The following ZBBX variants were observed in gnomAD, a reference collection of about 807,000 sequenced individuals.
ZBBX encodes the protein zinc finger B-box domain containing, also known as zinc finger B-box domain-containing protein 1.
Under a neutral mutation model 108.5 loss-of-function variants are expected in ZBBX, and 101 were observed. The observed-to-expected ratio is 0.93, with a 90% CI of 0.79 to 1.10. ZBBX has a LOEUF of 1.10. Among genes scored for constraint, ZBBX ranks in the 50% least tolerant of loss-of-function variants. The pLI, the probability that ZBBX is intolerant of heterozygous loss-of-function variation, is 0.00. For synonymous variants in ZBBX, 356 were observed against 323.4 expected (o/e 1.10, Z -1.08); for missense variants, 1,009 against 941.4 (o/e 1.07, Z -0.94).
chr3:167,191,916 T>TAGAGAG, the ZBBX span, among the ~76,000 whole-genome samples: 79 of 103,280 alleles, frequency 7.6e-4, 1 homozygote, highest in African/African-American at 2.5e-3. Flanking sequence ...TATATATATA[T>TAGAGAG]ATATATATAT....
chr3:167,348,394 G>A (rs1020537170), intron 9 of ZBBX, among the ~76,000 whole-genome samples: 4 of 140,826 alleles, frequency 2.8e-5, no homozygotes, highest in African/African-American at 1.1e-4. Flanking sequence ...AAAGAAGAAG[G>A]AGGGAGGGAG....
At chr3:167,355,748 TTTA>T (rs893755463) in intron 8 of ZBBX, among the ~76,000 whole-genome samples, 2 of 152,060 alleles carry the variant, frequency 1.3e-5, no homozygotes, top group African/African-American at 4.8e-5. Flanking sequence ...TAAATAGCTT[TTTA>T]TTATGTTTTG....
chr3:167,344,627 T>C (rs549311775), intron 9 of ZBBX, among the ~76,000 whole-genome samples: 43 of 151,776 alleles, frequency 2.8e-4, no homozygotes, highest in African/African-American at 1.0e-3. Context: ...CAGCATCAGC[T>C]GTTCCTTTTT....
chr3:167,322,278 GT>G (rs1736574580), intron 11 of ZBBX, 41 bp from the exon 12 acceptor site: 3 of 1,410,856 alleles, frequency 2.1e-6, no homozygotes, highest in Middle Eastern at 1.9e-4. Flanking sequence ...AAATAAGCAA[GT>G]TTACAAATTA....
rs781068022 is a variant in ZBBX, at chr3:167,305,651, A to C, written c.1717T>G (p.Ser573Ala). The stretch of plus-strand genomic sequence containing the variant: ...ACATAATAGAGATTTACCAGTGATG[A>C]CTTTGTAGTTTTTGATTCTTCAAAG... ...PSFEESKTTK[S>A]SLLLQEIACR... is the part of the protein sequence containing the mutation. Residue 573 changes from serine (S) to alanine (A), a missense_variant, in exon 17 of 22, where the codon TCA (serine) becomes GCA (alanine). Coordinates refer to ENST00000675490, the MANE Select transcript of ZBBX (RefSeq NM_001199201.2). 3.2e-6 allele frequency: 5 copies of C among 1,554,170 alleles called. No homozygotes were observed. The South Asian group carries it at 3.8e-5, about 12-fold the overall frequency.
At chr3:167,284,654 T>G (rs1027312793) in intron 19 of ZBBX, among the ~76,000 whole-genome samples, 1 of 152,146 alleles carries the variant, frequency 6.6e-6, no homozygotes, top group Non-Finnish European at 1.5e-5. Flanking sequence ...TAAAGGTAAT[T>G]GATCCCCATT....
intron 11 of ZBBX, among the ~76,000 whole-genome samples, chr3:167,326,325 T>A (rs1038724524): frequency 6.6e-6 from 1 of 152,150 alleles, no homozygotes; most frequent in African/African-American, 2.4e-5. Flanking sequence ...TGTACATAAC[T>A]ATGGTTATTG....
At chr3:167,179,059 AATGCCCATC>A in the ZBBX span, among the ~76,000 whole-genome samples, 1 of 152,154 alleles carries the variant, frequency 6.6e-6, no homozygotes, top group Non-Finnish European at 1.5e-5. Flanking sequence ...GAGAAGCTGG[AATGCCCATC>A]ACCGAGAAAC....
chr3:167,360,822 T>G (rs560889757), intron 6 of ZBBX, 99 bp from the exon 7 acceptor site: 151 of 581,992 alleles, frequency 2.6e-4, no homozygotes, highest in Non-Finnish European at 3.6e-4. Flanking sequence ...TTGGTGCTTT[T>G]CGAACAAAAA....
At chr3:167,385,157 A>G (rs1187682955), upstream of ZBBX, among the ~76,000 whole-genome samples, 2 of 152,098 alleles carry the variant, frequency 1.3e-5, no homozygotes, top group Non-Finnish European at 2.9e-5. Flanking sequence ...TTGTACAAAC[A>G]TCAAAGAGTG....
intron 9 of ZBBX, among the ~76,000 whole-genome samples, chr3:167,349,246 T>A (rs1456973794): frequency 6.6e-6 from 1 of 152,138 alleles, no homozygotes; most frequent in Non-Finnish European, 1.5e-5. Context: ...TCATCTGTGA[T>A]AATTTTGTTA....
rs182540384 is a variant in ZBBX, at chr3:167,292,413, G to C, written c.1880-3430C>G. On this transcript the variant is annotated intron_variant, in intron 18 of 21. Transcript: ENST00000675490. ...TTAAGAAACTCACTCAAAACTGCAC[G>C]ACTACATGAAAACTGAACAACCTGC... Among the ~76,000 whole-genome samples the C allele has an allele frequency of 2.2e-4, 33 of 152,158 alleles. No individual in the cohort carries two copies. The East Asian group carries it at 3.1e-3, about 14-fold the overall frequency.
the ZBBX span, among the ~76,000 whole-genome samples, chr3:167,197,354 C>T: frequency 1.8e-3 from 281 of 152,054 alleles, 1 homozygote; most frequent in African/African-American, 4.8e-3. Flanking sequence ...CTGGCTAACA[C>T]GGTGAAACCC....
At chr3:167,347,271 A>T (rs1260537995) in intron 9 of ZBBX, among the ~76,000 whole-genome samples, 1 of 152,026 alleles carries the variant, frequency 6.6e-6, no homozygotes, top group Non-Finnish European at 1.5e-5. Context: ...ATGCATGTAC[A>T]TGCACATGAC....
intron 9 of ZBBX, among the ~76,000 whole-genome samples, chr3:167,338,668 G>C (rs1739993034): frequency 6.6e-6 from 1 of 151,834 alleles, no homozygotes. Flanking sequence ...AATTTTAGAA[G>C]AGATTTATTG....
At chr3:167,335,798 G>T (rs905565396) in intron 9 of ZBBX, among the ~76,000 whole-genome samples, 2 of 151,666 alleles carry the variant, frequency 1.3e-5, no homozygotes, top group Admixed American at 6.6e-5. Context: ...GAAAAATGAT[G>T]AACGTGACCT....
chr3:167,187,878 T>C, the ZBBX span, among the ~76,000 whole-genome samples: 1 of 152,138 alleles, frequency 6.6e-6, no homozygotes, highest in Non-Finnish European at 1.5e-5. Flanking sequence ...CTGAACTGAA[T>C]CACACAACAG....
At chr3:167,220,607 C>T in the ZBBX span, among the ~76,000 whole-genome samples, 4,452 of 151,910 alleles carry the variant, frequency 0.029, 95 homozygotes, top group African/African-American at 0.051. Context: ...AAGCCATCTA[C>T]GACAGACTCA....
At chr3:167,273,956 C>A (rs930847901) in intron 20 of ZBBX, among the ~76,000 whole-genome samples, 2 of 152,050 alleles carry the variant, frequency 1.3e-5, no homozygotes, top group African/African-American at 4.8e-5. Context: ...CTACTATAAT[C>A]AGCAATGATT....
Sources: allele counts gnomAD v4.1 joint callset (sites outside exome capture counted in the v4.1 genomes callset), GRCh38; gene constraint gnomAD v4.1.1; transcripts MANE v1.5; gene names NCBI Gene and HGNC (gene_info 2026-07-23, HGNC 2026-07-21).